Variants in SLC39A1 observed in about 807,000 individuals in gnomAD.
SLC39A1 encodes the protein zinc transporter ZIP1.
In SLC39A1, 17 loss-of-function variants were observed where a neutral mutation model predicts 21.4. That is an observed-to-expected ratio of 0.79 (90% CI 0.54 to 1.19). SLC39A1 has a LOEUF of 1.19. Among genes scored for constraint, SLC39A1 ranks in the 50% most tolerant of loss-of-function variants. The pLI, the probability that SLC39A1 is intolerant of heterozygous loss-of-function variation, is 0.00. For synonymous variants in SLC39A1, 183 were observed against 185.9 expected, an observed-to-expected ratio of 0.98 and a Z score of 0.13; for missense variants, 343 against 399.8, an observed-to-expected ratio of 0.86 and a Z score of 1.21.
chr1:153,962,107 CAA>C (rs1647475649), intron 3 of SLC39A1, 111 bp downstream of exon 3: 1 of 1,458,168 alleles, frequency 6.9e-7, no homozygotes, highest in East Asian at 2.3e-5. Flanking sequence ...TACCACATGC[CAA>C]AAGTCTTCCA....
Position 153,959,993 on chromosome 1 carries a change from C to G in SLC39A1, c.*105G>C. 2 of 1,409,968 alleles carry G rather than the reference C, an allele frequency of 1.4e-6. No homozygotes were observed. Among genetic ancestry groups the G allele is most frequent in the East Asian group, 4.6e-5 (2 of 43,240 alleles). 87.3% of individuals were successfully genotyped at this position (1,409,968 alleles called of 1,614,324 possible). ...AGCTCCCAGAGAACTTTTTGGTCCT[C>G]AGTATTTCCCTTCCCCTTTCCTTCC... On this transcript the variant is annotated 3_prime_UTR_variant, in exon 4 of 4. Coordinates refer to ENST00000356205, the MANE Select transcript of SLC39A1 (RefSeq NM_001271958.2).
chr1:153,963,945 G>T (rs1286069105), upstream of SLC39A1, among the ~76,000 whole-genome samples: 1 of 152,264 alleles, frequency 6.6e-6, no homozygotes, highest in Non-Finnish European at 1.5e-5. Flanking sequence ...CTGACACCTC[G>T]TCAGTGCCTC....
Position 153,960,241 on chromosome 1 carries a change from T to G in SLC39A1, c.832A>C (p.Met278Leu). 1 of 1,614,166 alleles carries G rather than the reference T, an allele frequency of 6.2e-7. No individual in the cohort carries two copies. Among genetic ancestry groups the G allele is most frequent in the Admixed American group, 1.7e-5 (1 of 60,030 alleles). Residue 278 changes from methionine to leucine, a missense_variant, in exon 4 of 4, where the codon ATG (methionine) becomes CTG (leucine). Physicochemically the swap from Met to Leu is conservative, Grantham distance 15 (BLOSUM62 2). Transcript: ENST00000356205. Reference sequence around the variant, plus strand: ...ATATAGAGAAAGGTGCCAGCTGCCATGCCCTCTAGCACAGACTGGGCCAGC... The same window carrying G: ...ATATAGAGAAAGGTGCCAGCTGCCAGGCCCTCTAGCACAGACTGGGCCAGC... ...HQLAQSVLEG[M>L]AAGTFLYITF...
At chr1:153,965,268 A>G (rs1159845083), upstream of SLC39A1, among the ~76,000 whole-genome samples, 1 of 150,466 alleles carries the variant, frequency 6.6e-6, no homozygotes, top group Non-Finnish European at 1.5e-5. Flanking sequence ...CTCTACTAAA[A>G]ATACAAAAAT....
In SLC39A1 at chr1:153,960,439, G is replaced by T. The variant is rs202007708; in HGVS notation, c.634C>A (p.Leu212Met). The change falls in exon 4 of 4, where the codon CTG becomes ATG. Residue 212 changes from leucine (L) to methionine (M), a missense_variant. Physicochemically the swap from Leu to Met is conservative, Grantham distance 15. Transcript: ENST00000356205. ...RDRARAMELC[L>M]ALLLHKGILA... ...ATGCCCTTGTGGAGCAGCAAAGCCA[G>T]GCACAGCTCCATGGCCCGAGCCCGG... is the stretch of plus-strand genomic sequence containing the variant. The T allele has an allele frequency of 1.9e-5, 30 of 1,613,958 alleles. No homozygotes were observed. The South Asian group carries it at 3.3e-4, about 18-fold the overall frequency.
chr1:153,959,687 GC>G lies in SLC39A1; in HGVS notation c.*410del, dbSNP rs1647244044. On this transcript the variant is annotated 3_prime_UTR_variant, in exon 4 of 4. Coordinates refer to ENST00000356205, the MANE Select transcript of SLC39A1 (RefSeq NM_001271958.2). The stretch of plus-strand genomic sequence containing the variant: ...AGGGGTCCACTCCAAGTGGCAGGGT[GC>G]TGAAATGGGCTAGGACCAACAGGAC... 8.7e-6 allele frequency: 2 copies of G among 231,068 alleles called. No individual in the cohort carries two copies. The highest frequency in any genetic ancestry group is 4.5e-5 in the African/African-American group (2 of 44,444). 14.3% of individuals were successfully genotyped at this position (231,068 alleles called of 1,614,324 possible).
chr1:153,964,917 GCAA>G (rs1192649607), upstream of SLC39A1: 1 of 151,858 alleles, frequency 6.6e-6, no homozygotes, highest in Non-Finnish European at 1.5e-5. Flanking sequence ...TCCAGCCTGG[GCAA>G]CAACAGCGAA....
Position 153,962,068 on chromosome 1 carries a change from T to TA in SLC39A1, c.318+151dup, listed in dbSNP as rs1321784254. On this transcript the variant is annotated intron_variant, in intron 3 of 3. Transcript: ENST00000356205. ...GGGGGAGGGAACACATAGAAAGAAT[T>TA]ATGCCCCATAACCAAAAATCACAAT... The TA allele has an allele frequency of 1.7e-5, 19 of 1,134,466 alleles. No homozygotes were observed. In the African/African-American group the frequency reaches 3.0e-4, roughly 18 times the overall value. The allele number at this position is 1,134,466 out of a possible 1,614,324, so 70.3% of individuals were successfully genotyped here.
intron 1 of SLC39A1, chr1:153,963,010 C>G (rs1647575600): frequency 3.3e-6 from 1 of 306,994 alleles, no homozygotes; most frequent in African/African-American, 2.1e-5. Context: ...ACCCTTTCAC[C>G]TGGTGCCCCC....
Position 153,959,477 on chromosome 1 carries a change from G to A in SLC39A1, c.*621C>T, listed in dbSNP as rs1156948974. 2 of 394,380 alleles carry A rather than the reference G, an allele frequency of 5.1e-6. No individual in the cohort carries two copies. Among genetic ancestry groups the A allele is most frequent in the Non-Finnish European group, 8.9e-6 (2 of 223,808 alleles). The allele number at this position is 394,380 out of a possible 1,614,324, so 24.4% of individuals were successfully genotyped here. A position where few individuals can be genotyped will look rare whatever the true frequency, so the allele number is the denominator to read the frequency against. On this transcript the variant is annotated 3_prime_UTR_variant, in exon 4 of 4. Coordinates refer to ENST00000356205, the MANE Select transcript of SLC39A1 (RefSeq NM_001271958.2). ...ACTGAGGTGCTGGGTAGGGCTCAGT[G>A]CCACATTACTGTGCTTTGAGAAAGA...
At chr1:153,965,526 A>T (rs1647733562), upstream of SLC39A1, among the ~76,000 whole-genome samples, 1 of 152,228 alleles carries the variant, frequency 6.6e-6, no homozygotes, top group Non-Finnish European at 1.5e-5. Flanking sequence ...TTGTGATGAG[A>T]ACATTTAAAA....
At chr1:153,962,141 G>C in intron 3 of SLC39A1, 79 bp downstream of exon 3, 2 of 1,544,128 alleles carry the variant, frequency 1.3e-6, no homozygotes, top group Non-Finnish European at 1.8e-6. Context: ...AGTGGCACAT[G>C]AATCAATCTC....
chr1:153,961,858 T>C (rs527373249), intron 3 of SLC39A1, among the ~76,000 whole-genome samples: 1 of 152,274 alleles, frequency 6.6e-6, no homozygotes, highest in Admixed American at 6.5e-5. Flanking sequence ...AATCGCTTCC[T>C]ATCCTTCTCA....
upstream of SLC39A1, among the ~76,000 whole-genome samples, chr1:153,965,795 C>T (rs762335475): frequency 1.3e-5 from 2 of 151,864 alleles, no homozygotes; most frequent in Non-Finnish European, 2.9e-5. Flanking sequence ...CCATGTTGAC[C>T]AGGCTGGTCT....
chr1:153,960,048 G>A lies in SLC39A1; in HGVS notation c.*50C>T. On this transcript the variant is annotated 3_prime_UTR_variant, in exon 4 of 4. Transcript: ENST00000356205. ...CCCCACAACTGGGGGAGGGAAGGGA[G>A]AACAGGGGCACCTGATCATCAATCT... 1 of 1,533,704 alleles carries A rather than the reference G, an allele frequency of 6.5e-7. No homozygotes were observed. Among genetic ancestry groups the A allele is most frequent in the Admixed American group, 1.9e-5 (1 of 51,378 alleles).
Position 153,960,332 on chromosome 1 carries a change from TGAG to T in SLC39A1, c.738_740del (p.Phe246_Ser247delinsLeu). The stretch of plus-strand genomic sequence containing the variant: ...GCCCGATGCCTAGAGGTGTCATGCA[TGAG>T]AAGAGGATCCCACAGCCAGCCACCA... On this transcript the variant is annotated inframe_deletion, in exon 4 of 4. Transcript: ENST00000356205. The T allele has an allele frequency of 6.2e-7, 1 of 1,614,040 alleles. No homozygotes were observed. The highest frequency in any genetic ancestry group is 8.5e-7 in the Non-Finnish European group (1 of 1,180,050).
At position 153,959,430 on chromosome 1, in the gene SLC39A1, A is replaced by C. The variant is rs183642450; in HGVS notation, c.*668T>G. ...CCACCCCAGGATCCGGGACCAAAAT[A>C]AAGAGCAAGCAGGCCCCCTTCACTG... On this transcript the variant is annotated 3_prime_UTR_variant, in exon 4 of 4. Transcript: ENST00000356205. 101 of 396,950 alleles carry C rather than the reference A, an allele frequency of 2.5e-4. 1 individual carries two copies. Among genetic ancestry groups the C allele is most frequent in the Middle Eastern group, 2.5e-3 (4 of 1,578 alleles). The allele number at this position is 396,950 out of a possible 1,614,324, so 24.6% of individuals were successfully genotyped here.
upstream of SLC39A1, chr1:153,966,654 C>T (rs11264736): frequency 0.58 from 88,189 of 151,874 alleles, 26,792 homozygotes; most frequent in East Asian, 0.94. Flanking sequence ...TCAGCTCCAT[C>T]TGCTGTAAGA....
intron 3 of SLC39A1, 30 bp downstream of exon 3, chr1:153,962,190 C>G: frequency 6.2e-7 from 1 of 1,606,748 alleles, no homozygotes; most frequent in Admixed American, 1.7e-5. Context: ...ATTCCCCTCC[C>G]GCAAGTCACA....
Sources: gnomAD v4.1 joint callset for allele counts (sites outside exome capture counted in the v4.1 genomes callset) on GRCh38, gnomAD v4.1.1 for gene constraint, MANE v1.5 for transcripts, NCBI Gene and HGNC (gene_info 2026-07-23, HGNC 2026-07-21) for gene names.